Variants in SHISA6 observed in about 807,000 individuals in gnomAD.
The protein encoded by SHISA6 is shisa family member 6.
Under a neutral mutation model 47.9 loss-of-function variants are expected in SHISA6, and 22 were observed. The ratio of observed to expected loss-of-function variants is 0.46; its 90% confidence interval spans 0.33 to 0.66. The LOEUF (loss-of-function observed/expected upper bound fraction) is 0.66. SHISA6 is among the 30% of genes least tolerant of loss of function. The pLI is 0.02. For missense variants in SHISA6, 680 were observed against 764.6 expected (o/e 0.89, Z 1.30); for synonymous variants, 388 against 337.8 (o/e 1.15, Z -1.63).
intron 2 of SHISA6, among the ~76,000 whole-genome samples, chr17:11,350,206 G>A (rs1281851407): frequency 2.9e-5 from 3 of 105,036 alleles, no homozygotes; most frequent in Non-Finnish European, 5.4e-5. Context: ...TTGAGACGGA[G>A]TCTCGCTCTG....
chr17:11,272,132 G>A (rs1405288218), intron 2 of SHISA6, among the ~76,000 whole-genome samples: 1 of 152,080 alleles, frequency 6.6e-6, no homozygotes, highest in Non-Finnish European at 1.5e-5. Flanking sequence ...TCTGGGAACA[G>A]CTTCTTTTTT....
In SHISA6 at chr17:11,485,761, C is replaced by CT. The variant is rs10582060; in HGVS notation, c.896-66121dup. ...GGAGAGGAGAGATGCTTTGCCAGCA[C>CT]TTTTTTTTTTTTTTAAATCACTCCT... On this transcript the variant is annotated intron_variant, in intron 3 of 5. Coordinates refer to ENST00000441885, the MANE Select transcript of SHISA6 (RefSeq NM_207386.4). Among the ~76,000 whole-genome samples, 141 of 146,226 alleles carry CT rather than the reference C, an allele frequency of 9.6e-4. No homozygotes were observed. In the Middle Eastern group the frequency reaches 0.011, roughly 11 times the overall value.
At chr17:11,509,642 T>C (rs2071527351) in intron 3 of SHISA6, among the ~76,000 whole-genome samples, 1 of 152,180 alleles carries the variant, frequency 6.6e-6, no homozygotes, top group Non-Finnish European at 1.5e-5. Context: ...GAAGGTCTTT[T>C]GAGTTGCCTA....
intron 3 of SHISA6, among the ~76,000 whole-genome samples, chr17:11,445,414 C>G (rs1177816154): frequency 6.6e-6 from 1 of 152,180 alleles, no homozygotes; most frequent in Non-Finnish European, 1.5e-5. Flanking sequence ...CAAACCGTCA[C>G]TGTACACACT....
At chr17:11,407,476 T>C (rs1477883364) in intron 3 of SHISA6, among the ~76,000 whole-genome samples, 1 of 143,804 alleles carries the variant, frequency 7.0e-6, no homozygotes, top group African/African-American at 2.6e-5. Context: ...GTAGCAGTCC[T>C]CAAAGTTTAG....
intron 2 of SHISA6, among the ~76,000 whole-genome samples, chr17:11,328,537 A>G (rs1343347915): frequency 2.0e-5 from 3 of 152,228 alleles, no homozygotes; most frequent in African/African-American, 7.2e-5. Context: ...TAATACATCT[A>G]AAGTACTTGG....
chr17:11,490,836 T>C (rs1046759341), intron 3 of SHISA6, among the ~76,000 whole-genome samples: 1 of 152,200 alleles, frequency 6.6e-6, no homozygotes. Flanking sequence ...GATGTTGAAG[T>C]TTAATGACCT....
At chr17:11,336,735 G>T (rs1037488447) in intron 2 of SHISA6, among the ~76,000 whole-genome samples, 1 of 152,210 alleles carries the variant, frequency 6.6e-6, no homozygotes, top group African/African-American at 2.4e-5. Context: ...TTAAAGGCCT[G>T]ACAGTTGCCA....
At chr17:11,548,820 G>A (rs1040695651) in intron 3 of SHISA6, among the ~76,000 whole-genome samples, 2 of 152,096 alleles carry the variant, frequency 1.3e-5, no homozygotes, top group African/African-American at 4.8e-5. Context: ...ATAGAATATT[G>A]TGAAACCATA....
intron 1 of SHISA6, among the ~76,000 whole-genome samples, chr17:11,244,924 G>T (rs1358990486): frequency 6.6e-6 from 1 of 152,160 alleles, no homozygotes; most frequent in Non-Finnish European, 1.5e-5. Flanking sequence ...AGTGTGAGCA[G>T]GGGTGAAGGG....
At chr17:11,359,909 G>T (rs1357826695) in intron 2 of SHISA6, among the ~76,000 whole-genome samples, 1 of 152,200 alleles carries the variant, frequency 6.6e-6, no homozygotes, top group East Asian at 1.9e-4. Context: ...ACAGTGTGAT[G>T]ATTCCTCAAG....
In SHISA6 at chr17:11,313,516, G is replaced by C. The variant is rs144461319; in HGVS notation, c.799+49990G>C. ...ATATCCAGAAACGAGTAATCAGACAGACAAAATTATTGCAAATTGGAAGCA... is the reference window on the plus strand; with the variant it reads ...ATATCCAGAAACGAGTAATCAGACACACAAAATTATTGCAAATTGGAAGCA... On this transcript the variant is annotated intron_variant, in intron 2 of 5. Transcript: ENST00000441885. Among the ~76,000 whole-genome samples the C allele has an allele frequency of 2.0e-5, 3 of 152,258 alleles. No individual in the cohort carries two copies. In the East Asian group the frequency reaches 5.8e-4, roughly 29 times the overall value.
At chr17:11,260,650 C>T (rs940900148) in intron 1 of SHISA6, among the ~76,000 whole-genome samples, 2 of 152,018 alleles carry the variant, frequency 1.3e-5, no homozygotes, top group Non-Finnish European at 2.9e-5. Context: ...CCTCTCCTCT[C>T]TCTGTCTCCT....
rs796989290 is a variant in SHISA6, at chr17:11,338,576, A to AT, written c.800-40824dup. On this transcript the variant is annotated intron_variant, in intron 2 of 5. Coordinates refer to ENST00000441885, the MANE Select transcript of SHISA6 (RefSeq NM_207386.4). ...GCCACCACACCCAGCTAATTTTTGT[A>AT]TTTTTTTTTTTTTTAGTAGAGATGG... Among the ~76,000 whole-genome samples, 995 of 138,390 alleles carry AT rather than the reference A, an allele frequency of 7.2e-3. 6 individuals are homozygous for AT. The highest frequency in any genetic ancestry group is 0.022 in the African/African-American group (822 of 37,796). 90.8% of individuals were successfully genotyped at this position (138,390 alleles called of 152,430 possible).
At chr17:11,257,829 T>A (rs1908075914) in intron 1 of SHISA6, among the ~76,000 whole-genome samples, 1 of 152,118 alleles carries the variant, frequency 6.6e-6, no homozygotes, top group South Asian at 2.1e-4. Flanking sequence ...GAATTAGCTA[T>A]CAGAGACTTA....
intron 2 of SHISA6, among the ~76,000 whole-genome samples, chr17:11,271,717 C>T (rs1230931802): frequency 1.3e-5 from 2 of 151,018 alleles, no homozygotes; most frequent in African/African-American, 4.9e-5. Flanking sequence ...GCTTCAGCCT[C>T]CCAAAGTGCT....
chr17:11,480,460 C>A (rs966646831), intron 3 of SHISA6, among the ~76,000 whole-genome samples: 1 of 152,050 alleles, frequency 6.6e-6, no homozygotes, highest in Non-Finnish European at 1.5e-5. Flanking sequence ...AGTTAATATG[C>A]CACCACACCG....
chr17:11,282,589 A>T (rs917530745), intron 2 of SHISA6, among the ~76,000 whole-genome samples: 1 of 152,092 alleles, frequency 6.6e-6, no homozygotes, highest in Non-Finnish European at 1.5e-5. Context: ...TGGTGTTCCC[A>T]GCCCTGTGTT....
intron 2 of SHISA6, among the ~76,000 whole-genome samples, chr17:11,310,841 G>A (rs1441451692): frequency 2.0e-5 from 3 of 152,032 alleles, no homozygotes; most frequent in Admixed American, 6.6e-5. Context: ...GGGCGCTGTG[G>A]CTCACGCCTG....
Sources: allele counts gnomAD v4.1 joint callset (sites outside exome capture counted in the v4.1 genomes callset), GRCh38; gene constraint gnomAD v4.1.1; transcripts MANE v1.5; gene names NCBI Gene and HGNC (gene_info 2026-07-23, HGNC 2026-07-21).